CCDC178: variants seen among roughly 807,000 people sequenced by gnomAD.
CCDC178 encodes coiled-coil domain-containing protein 178.
In CCDC178, 126 loss-of-function variants were observed where a neutral mutation model predicts 117.4. The observed-to-expected ratio is 1.07, with a 90% CI of 0.93 to 1.24. The LOEUF is 1.24. Ranked by LOEUF, CCDC178 falls within the 50% of genes most tolerant of loss-of-function variation. CCDC178 has a pLI of 0.00. For missense variants in CCDC178, 1,030 were observed against 986.9 expected, an observed-to-expected ratio of 1.04 and a Z score of -0.59; for synonymous variants, 283 against 313.4, an observed-to-expected ratio of 0.90 and a Z score of 1.02.
intron 21 of CCDC178, among the ~76,000 whole-genome samples, chr18:33,059,524 T>C (rs1383253777): frequency 6.6e-6 from 1 of 152,122 alleles, no homozygotes; most frequent in Non-Finnish European, 1.5e-5. Context: ...GCAAAAGGCC[T>C]CAAATGTAGA....
rs1306486308 is a variant in CCDC178, at chr18:33,203,167, A to C, written c.2238+8729T>G. Among the ~76,000 whole-genome samples the C allele has an allele frequency of 3.3e-5, 5 of 152,174 alleles. No individual in the cohort carries two copies. In the East Asian group the frequency reaches 9.6e-4, roughly 29 times the overall value. ...CCTGAGATTATCAGAAATATTTATC[A>C]ATTTAATATACATATTTGCTCTTAT... On this transcript the variant is annotated intron_variant, in intron 20 of 22. Coordinates refer to ENST00000383096, the MANE Select transcript of CCDC178 (RefSeq NM_001105528.4).
At chr18:33,307,196 G>T (rs1297748058) in intron 11 of CCDC178, among the ~76,000 whole-genome samples, 1 of 152,170 alleles carries the variant, frequency 6.6e-6, no homozygotes, top group Non-Finnish European at 1.5e-5. Context: ...GGAACAGTTT[G>T]GAGGACTCAG....
chr18:32,984,748 T>C (rs1199017238), intron 21 of CCDC178, among the ~76,000 whole-genome samples: 1 of 151,972 alleles, frequency 6.6e-6, no homozygotes, highest in Admixed American at 6.6e-5. Context: ...TTTTCTCAAA[T>C]GAATAATTGT....
chr18:33,379,549 G>T (rs567305296), intron 5 of CCDC178, among the ~76,000 whole-genome samples: 3 of 152,190 alleles, frequency 2.0e-5, no homozygotes, highest in Admixed American at 2.0e-4. Flanking sequence ...GTCCCCCAGT[G>T]GCCAGAATAA....
intron 21 of CCDC178, among the ~76,000 whole-genome samples, chr18:33,083,732 G>A (rs904443245): frequency 1.2e-4 from 18 of 152,120 alleles, no homozygotes; most frequent in African/African-American, 4.3e-4. Context: ...AAAATATTAA[G>A]TTCATGTTTG....
intron 12 of CCDC178, among the ~76,000 whole-genome samples, chr18:33,287,784 A>G (rs945830480): frequency 6.6e-6 from 1 of 152,184 alleles, no homozygotes; most frequent in African/African-American, 2.4e-5. Context: ...GTCTCAAAAT[A>G]AATGAATGAA....
At chr18:33,021,141 A>C (rs2056107622) in intron 21 of CCDC178, among the ~76,000 whole-genome samples, 1 of 152,194 alleles carries the variant, frequency 6.6e-6, no homozygotes, top group South Asian at 2.1e-4. Context: ...AAGCGACATG[A>C]TAATGCAGAA....
In CCDC178 at chr18:33,416,605, C is replaced by A. The variant is rs115883814; in HGVS notation, c.-22-4495G>T. ...TTACTGATAGGACTCAAGAACCACA[C>A]CCTACTCTCCAACTCTCCCAGCACC... On this transcript the variant is annotated intron_variant, in intron 2 of 22. Transcript: ENST00000383096. 9.1e-3 allele frequency among the ~76,000 whole-genome samples: 1,385 copies of A among 152,190 alleles called. 10 individuals carry two copies. The highest frequency in any genetic ancestry group is 0.019 in the African/African-American group (776 of 41,524).
intron 5 of CCDC178, among the ~76,000 whole-genome samples, chr18:33,380,869 C>T (rs574728051): frequency 6.6e-6 from 1 of 152,180 alleles, no homozygotes; most frequent in Admixed American, 6.5e-5. Flanking sequence ...TTTAAACATT[C>T]GGATTTAGTC....
At chr18:33,191,537 A>G (rs1367842839) in intron 20 of CCDC178, among the ~76,000 whole-genome samples, 2 of 152,160 alleles carry the variant, frequency 1.3e-5, no homozygotes, top group Non-Finnish European at 2.9e-5. Context: ...CTATTAACGT[A>G]ATGCATCCTA....
At chr18:33,210,977 A>G (rs2059100271) in intron 20 of CCDC178, among the ~76,000 whole-genome samples, 1 of 152,044 alleles carries the variant, frequency 6.6e-6, no homozygotes, top group Non-Finnish European at 1.5e-5. Context: ...TGTTCATGCA[A>G]TGTACATTTG....
chr18:33,187,300 A>C (rs1000130358), intron 20 of CCDC178, among the ~76,000 whole-genome samples: 1 of 152,048 alleles, frequency 6.6e-6, no homozygotes, highest in African/African-American at 2.4e-5. Context: ...GCCAAACCAC[A>C]TGATATGGCC....
Position 33,090,859 on chromosome 18 carries a change from C to G in CCDC178, c.2388+1902G>C, listed in dbSNP as rs535331391. Among the ~76,000 whole-genome samples the G allele has an allele frequency of 8.5e-5, 13 of 152,324 alleles. No individual in the cohort carries two copies. In the South Asian group the frequency reaches 1.0e-3, roughly 12 times the overall value. Reference sequence around the variant, plus strand: ...CAGCAATCTCCACTGTCTGTTCCTACTATAGTCTCAGTCCTTGTATCTTGC... The same window carrying G: ...CAGCAATCTCCACTGTCTGTTCCTAGTATAGTCTCAGTCCTTGTATCTTGC... On this transcript the variant is annotated intron_variant, in intron 21 of 22. Transcript: ENST00000383096.
chr18:33,132,669 C>CT (rs1367593946), intron 20 of CCDC178, among the ~76,000 whole-genome samples: 27 of 151,580 alleles, frequency 1.8e-4, no homozygotes, highest in African/African-American at 5.8e-4. Context: ...TATATAATAT[C>CT]TGCTTCTTCC....
intron 15 of CCDC178, among the ~76,000 whole-genome samples, chr18:33,242,802 G>A (rs2059503942): frequency 6.6e-6 from 1 of 151,794 alleles, no homozygotes; most frequent in African/African-American, 2.4e-5. Flanking sequence ...TATACTGTTG[G>A]TGGGAATTAA....
At chr18:33,127,801 T>C (rs188520118) in intron 20 of CCDC178, among the ~76,000 whole-genome samples, 29 of 152,264 alleles carry the variant, frequency 1.9e-4, no homozygotes, top group Admixed American at 1.6e-3. Context: ...ACAAATTTAG[T>C]AGTCAAGTTT....
At chr18:33,191,219 G>A (rs2058854347) in intron 20 of CCDC178, among the ~76,000 whole-genome samples, 1 of 151,888 alleles carries the variant, frequency 6.6e-6, no homozygotes, top group Non-Finnish European at 1.5e-5. Context: ...ATCTATTACT[G>A]GATTTGCCAT....
At chr18:32,962,157 C>A (rs1430928458) in intron 22 of CCDC178, among the ~76,000 whole-genome samples, 1 of 151,926 alleles carries the variant, frequency 6.6e-6, no homozygotes, top group Non-Finnish European at 1.5e-5. Context: ...ATATTTAAGA[C>A]TTGCACCACA....
chr18:33,207,768 GT>G (rs2059062844), intron 20 of CCDC178, among the ~76,000 whole-genome samples: 1 of 152,032 alleles, frequency 6.6e-6, no homozygotes, highest in African/African-American at 2.4e-5. Flanking sequence ...AGTATTAGCA[GT>G]AATTCTGCCA....
Sources: allele counts gnomAD v4.1 joint callset (sites outside exome capture counted in the v4.1 genomes callset), GRCh38; gene constraint gnomAD v4.1.1; transcripts MANE v1.5; gene names NCBI Gene and HGNC (gene_info 2026-07-23, HGNC 2026-07-21).